DNTT: variants seen among roughly 807,000 people sequenced by gnomAD.
DNTT encodes DNA nucleotidylexotransferase.
Under a neutral mutation model 60.9 loss-of-function variants are expected in DNTT, and 47 were observed. The observed-to-expected ratio is 0.77, with a 90% CI of 0.61 to 0.98. The LOEUF (loss-of-function observed/expected upper bound fraction) is 0.98, where lower values mean the gene tolerates loss of function less well. DNTT is among the 50% of genes least tolerant of loss of function. The probability of loss-of-function intolerance (pLI) is 0.00; values close to 1 mark genes in which losing one functional copy is unlikely to be tolerated. For missense variants in DNTT, 665 were observed against 627.5 expected, an observed-to-expected ratio of 1.06 and a Z score of -0.64; for synonymous variants, 224 against 221.2, an observed-to-expected ratio of 1.01 and a Z score of -0.11.
intron 4 of DNTT, among the ~76,000 whole-genome samples, chr10:96,322,253 C>G (rs904773533): frequency 6.6e-6 from 1 of 152,156 alleles, no homozygotes; most frequent in South Asian, 2.1e-4. Context: ...ATCACAAGGG[C>G]TTGAATGTAG....
rs1270883900 is a variant in DNTT, at chr10:96,304,508, C to G, written c.11C>G (p.Pro4Arg). The part of the protein sequence containing the change: MDP[P>R]RASHLSPRKK... ...CAGCAGCCTCTTCCCATGGATCCAC[C>G]ACGAGCGTCCCACTTGAGCCCTCGG... Residue 4 changes from proline (P) to arginine (R), a missense_variant, in exon 1 of 11, where the codon CCA becomes CGA. Physicochemically the swap from Pro to Arg is moderately radical, Grantham distance 103 (BLOSUM62 -2). Transcript: ENST00000371174. 6.2e-7 allele frequency: 1 copy of G among 1,613,664 alleles called. No homozygotes were observed. The highest frequency in any genetic ancestry group is 1.7e-5 in the Admixed American group (1 of 60,024).
In DNTT at chr10:96,318,363, CCCACA is replaced by C; in HGVS notation, c.216_220del (p.His73ArgfsTer60). ...CTTGCATTTTGCAGTGATTCTGTCA[CCCACA>C]TCGTAGCAGAGAACAACTCGGGTTC... is the stretch of plus-strand genomic sequence containing the variant. On this transcript the variant is annotated frameshift_variant, in exon 2 of 11. Transcript: ENST00000371174. LOFTEE classifies it high-confidence loss of function. 1 of 1,611,012 alleles carries C rather than the reference CCCACA, an allele frequency of 6.2e-7. No individual in the cohort carries two copies. The highest frequency in any genetic ancestry group is 1.1e-5 in the South Asian group (1 of 90,542).
At chr10:96,323,871 T>C (rs1844908533) in intron 5 of DNTT, among the ~76,000 whole-genome samples, 1 of 152,200 alleles carries the variant, frequency 6.6e-6, no homozygotes, top group African/African-American at 2.4e-5. Context: ...ATAACCTACA[T>C]GAGCATCTCT....
chr10:96,318,102 A>G (rs1053965842), intron 1 of DNTT, among the ~76,000 whole-genome samples: 9 of 152,200 alleles, frequency 5.9e-5, no homozygotes, highest in African/African-American at 2.2e-4. Flanking sequence ...TTGGTTTTCC[A>G]TCAACGCCTC....
At chr10:96,319,640 A>T (rs889627696) in intron 3 of DNTT, among the ~76,000 whole-genome samples, 1 of 152,222 alleles carries the variant, frequency 6.6e-6, no homozygotes, top group Non-Finnish European at 1.5e-5. Flanking sequence ...CTATTTACAG[A>T]TAGTTGTCAT....
rs1845022118 is a variant in DNTT at position 96,332,707 on chromosome 10, G to A, written c.1359+111G>A. 3 of 1,503,722 alleles carry A rather than the reference G, an allele frequency of 2.0e-6. No homozygotes were observed. In the African/African-American group the frequency reaches 4.2e-5, roughly 21 times the overall value. The allele number at this position is 1,503,722 out of a possible 1,614,324, so 93.1% of individuals were successfully genotyped here. ...GCAACAGGGGCTGGGTGACAGGGGAGGGGCCAGTACCCAGAAACCTCTAAC... is the reference window on the plus strand; with the variant it reads ...GCAACAGGGGCTGGGTGACAGGGGAAGGGCCAGTACCCAGAAACCTCTAAC... On this transcript the variant is annotated intron_variant, in intron 9 of 10. Transcript: ENST00000371174.
rs536451062 is a variant in DNTT, at chr10:96,332,920, G to A, written c.1359+324G>A. ...TCTGGGGATTTCAGCCCGGAAATTT[G>A]TTTGGAAAAGGCTTCTAGGTGTTTC... On this transcript the variant is annotated intron_variant, in intron 9 of 10. Coordinates refer to ENST00000371174, the MANE Select transcript of DNTT (RefSeq NM_004088.4). Among the ~76,000 whole-genome samples, 7 of 152,308 alleles carry A rather than the reference G, an allele frequency of 4.6e-5. No homozygotes were observed. The South Asian group carries it at 1.5e-3, about 32-fold the overall frequency.
chr10:96,322,813 G>A (rs899918534), intron 5 of DNTT, 85 bp downstream of exon 5: 18 of 1,103,732 alleles, frequency 1.6e-5, no homozygotes, highest in Admixed American at 4.8e-5. Context: ...AGTCAGCTTG[G>A]GCTGCAATAA....
At chr10:96,330,963 G>T (rs888572563) in intron 8 of DNTT, among the ~76,000 whole-genome samples, 2 of 152,150 alleles carry the variant, frequency 1.3e-5, no homozygotes, top group African/African-American at 4.8e-5. Flanking sequence ...GTTACTTGCT[G>T]TTTTTGTTGC....
At position 96,328,713 on chromosome 10, in the gene DNTT, T is replaced by G. The variant is rs1301154982; in HGVS notation, c.1008-12T>G. 4.4e-6 allele frequency: 7 copies of G among 1,608,486 alleles called. No homozygotes were observed. The highest frequency in any genetic ancestry group is 5.9e-6 in the Non-Finnish European group (7 of 1,178,290). ...TAATTGATTTCCATTTTATACTGCTTTTGAAAATTAGGGGTAAGAAGATGG... is the reference window on the plus strand; with the variant it reads ...TAATTGATTTCCATTTTATACTGCTGTTGAAAATTAGGGGTAAGAAGATGG... On this transcript the variant is annotated splice_polypyrimidine_tract_variant and intron_variant, in intron 7 of 10. Transcript: ENST00000371174.
chr10:96,317,209 T>G (rs1844796889), intron 1 of DNTT, among the ~76,000 whole-genome samples: 1 of 152,068 alleles, frequency 6.6e-6, no homozygotes, highest in Non-Finnish European at 1.5e-5. Context: ...GAAAAAACAA[T>G]AAAAGAAAGA....
At chr10:96,306,980 A>C (rs1328718607) in intron 1 of DNTT, among the ~76,000 whole-genome samples, 1 of 152,212 alleles carries the variant, frequency 6.6e-6, no homozygotes, top group East Asian at 1.9e-4. Context: ...CCTGGCTCTG[A>C]GCCTCCCCAG....
At chr10:96,327,794 CTTGCCTGTTGCT>C (rs1564873829) in intron 7 of DNTT, among the ~76,000 whole-genome samples, 194 bp downstream of exon 7, 1 of 152,230 alleles carries the variant, frequency 6.6e-6, no homozygotes, top group Non-Finnish European at 1.5e-5. Flanking sequence ...AGAGCTGTTT[CTTGCCTGTTGCT>C]TTGCTTACTC....
At chr10:96,333,698 G>A (rs992563221) in intron 9 of DNTT, among the ~76,000 whole-genome samples, 3 of 152,254 alleles carry the variant, frequency 2.0e-5, no homozygotes, top group Non-Finnish European at 2.9e-5. Context: ...ATTATGTTAA[G>A]TGGAATAAGT....
At chr10:96,332,032 GT>G (rs1845012000) in intron 8 of DNTT, among the ~76,000 whole-genome samples, 1 of 152,202 alleles carries the variant, frequency 6.6e-6, no homozygotes, top group South Asian at 2.1e-4. Flanking sequence ...TTTATGGTTG[GT>G]TTGTTTTTAA....
At chr10:96,321,289 G>A (rs1164964818) in intron 4 of DNTT, among the ~76,000 whole-genome samples, 3 of 152,224 alleles carry the variant, frequency 2.0e-5, no homozygotes, top group South Asian at 2.1e-4. Flanking sequence ...CAAGTGCAGC[G>A]TTTGACCTTT....
intron 1 of DNTT, among the ~76,000 whole-genome samples, chr10:96,315,289 T>C (rs897059064): frequency 4.6e-5 from 7 of 152,126 alleles, no homozygotes. Flanking sequence ...CAAATTACAA[T>C]TAAAGTTTCT....
rs764640028 is a variant in DNTT, at chr10:96,328,740, G to A, written c.1023G>A (p.Gly341=). ...TGGFRRGKKM[G]HDVDFLITSP... is the part of the protein sequence containing the mutation. ...TGAAAATTAGGGGTAAGAAGATGGG[G>A]CATGATGTAGATTTTTTAATTACCA... The change falls in exon 8 of 11, where the codon GGG becomes GGA. Residue 341 remains glycine, a synonymous_variant. Transcript: ENST00000371174. 2.5e-6 allele frequency: 4 copies of A among 1,613,458 alleles called. No individual in the cohort carries two copies. Among genetic ancestry groups the A allele is most frequent in the East Asian group, 4.5e-5 (2 of 44,848 alleles).
chr10:96,304,860 C>T (rs773977576), intron 1 of DNTT, among the ~76,000 whole-genome samples, 160 bp downstream of exon 1: 8 of 149,902 alleles, frequency 5.3e-5, no homozygotes, highest in African/African-American at 7.6e-5. Flanking sequence ...TTAAGGAAAA[C>T]GAGATAAGTG....
Sources: gnomAD v4.1 joint callset for allele counts (sites outside exome capture counted in the v4.1 genomes callset) on GRCh38, gnomAD v4.1.1 for gene constraint, MANE v1.5 for transcripts, NCBI Gene and HGNC (gene_info 2026-07-23, HGNC 2026-07-21) for gene names.